SLC66A3: variants seen among roughly 807,000 people sequenced by gnomAD.
SLC66A3 encodes the protein PQ loop repeat containing 3.
In SLC66A3, 23 loss-of-function variants were observed where a neutral mutation model predicts 25.5. That is an observed-to-expected ratio of 0.90 (90% confidence interval 0.65 to 1.28). The LOEUF (loss-of-function observed/expected upper bound fraction) is 1.28, where lower values mean the gene tolerates loss of function less well. Among genes scored for constraint, SLC66A3 ranks in the 50% most tolerant of loss-of-function variants. SLC66A3 has a pLI of 0.00. For missense variants in SLC66A3, 246 were observed against 262.1 expected (o/e 0.94, Z 0.42); for synonymous variants, 108 against 112.6 (o/e 0.96, Z 0.26).
chr2:11,177,859 T>C lies in SLC66A3; in HGVS notation c.*31T>C, dbSNP rs181241828. On this transcript the variant is annotated 3_prime_UTR_variant, in exon 7 of 7. Coordinates refer to ENST00000295083, the MANE Select transcript of SLC66A3 (RefSeq NM_152391.5). ...ACATTATTCCTTCACACAGTGGATT[T>C]TGAGTAACTGAACCAAAGGAAAAAG... The C allele has an allele frequency of 6.9e-5, 89 of 1,293,600 alleles. No homozygotes were observed. In the African/African-American group the frequency reaches 1.0e-3, roughly 15 times the overall value. 80.1% of individuals were successfully genotyped at this position (1,293,600 alleles called of 1,614,324 possible). A position where few individuals can be genotyped will look rare whatever the true frequency, so the allele number is the denominator to read the frequency against.
At chr2:11,175,576 C>T (rs1333625982) in intron 6 of SLC66A3, among the ~76,000 whole-genome samples, 3 of 152,072 alleles carry the variant, frequency 2.0e-5, no homozygotes, top group African/African-American at 4.8e-5. Context: ...TGGCAGTGGC[C>T]CAAGTATCCA....
Position 11,160,616 on chromosome 2 carries a change from CTCTT to C in SLC66A3, c.227-6_227-3del, listed in dbSNP as rs1311122468. The C allele has an allele frequency of 1.9e-6, 3 of 1,614,178 alleles. No individual in the cohort carries two copies. Among genetic ancestry groups the C allele is most frequent in the Admixed American group, 1.7e-5 (1 of 60,022 alleles). On this transcript the variant is annotated splice_polypyrimidine_tract_variant and splice_region_variant and intron_variant, in intron 2 of 6. Coordinates refer to ENST00000295083, the MANE Select transcript of SLC66A3 (RefSeq NM_152391.5). ...CCTTCCCCCCTCACTCGGAGCCTCT[CTCTT>C]TCAGATGTCATCCTCCTGCTCTGTA...
chr2:11,170,703 CT>C (rs766241864), intron 4 of SLC66A3, among the ~76,000 whole-genome samples: 40 of 151,852 alleles, frequency 2.6e-4, no homozygotes, highest in Non-Finnish European at 4.7e-4. Flanking sequence ...ATTCTCCTGC[CT>C]CAGCCTTCCT....
intron 4 of SLC66A3, among the ~76,000 whole-genome samples, chr2:11,165,228 C>G (rs1375754331): frequency 1.1e-4 from 16 of 148,014 alleles, no homozygotes; most frequent in Middle Eastern, 7.2e-3. Context: ...CCCAGACGGG[C>G]TGGCTGCCGG....
Position 11,177,829 on chromosome 2 carries a change from T to G in SLC66A3, c.*1T>G. On this transcript the variant is annotated 3_prime_UTR_variant, in exon 7 of 7. Coordinates refer to ENST00000295083, the MANE Select transcript of SLC66A3 (RefSeq NM_152391.5). Reference sequence around the variant, plus strand: ...GAAGACCGCTATAAAGGCTGAATGATGGATACATTATTCCTTCACACAGTG... The same window carrying G: ...GAAGACCGCTATAAAGGCTGAATGAGGGATACATTATTCCTTCACACAGTG... 6.4e-7 allele frequency: 1 copy of G among 1,561,768 alleles called. No homozygotes were observed. The highest frequency in any genetic ancestry group is 8.8e-7 in the Non-Finnish European group (1 of 1,133,314).
rs1161882465 is a variant in SLC66A3, at chr2:11,164,327, T to TTATATATA, written c.354+78_354+85dup. The stretch of plus-strand genomic sequence containing the variant: ...ACCTTGGAGAGAACTTGATAGATAT[T>TTATATATA]TATATATATATATATATATTTTTTT... On this transcript the variant is annotated intron_variant, in intron 4 of 6. Transcript: ENST00000295083. The TTATATATA allele has an allele frequency of 1.1e-3, 195 of 175,998 alleles. 13 individuals carry two copies. Among genetic ancestry groups the TTATATATA allele is most frequent in the African/African-American group, 1.6e-3 (46 of 28,370 alleles). 10.9% of individuals were successfully genotyped at this position (175,998 alleles called of 1,614,324 possible). A position where few individuals can be genotyped will look rare whatever the true frequency, so the allele number is the denominator to read the frequency against.
At chr2:11,170,378 T>C (rs1042048825) in intron 4 of SLC66A3, among the ~76,000 whole-genome samples, 1 of 151,968 alleles carries the variant, frequency 6.6e-6, no homozygotes, top group African/African-American at 2.4e-5. Flanking sequence ...GCAGGGCTGG[T>C]GGTGGTCAGC....
At chr2:11,172,129 A>G in intron 5 of SLC66A3, 84 bp downstream of exon 5, 1 of 1,371,944 alleles carries the variant, frequency 7.3e-7, no homozygotes, top group Non-Finnish European at 1.0e-6. Flanking sequence ...TGTTGAAGTA[A>G]CATGGTCCCT....
At chr2:11,161,724 T>C (rs904592898) in intron 3 of SLC66A3, among the ~76,000 whole-genome samples, 1 of 152,210 alleles carries the variant, frequency 6.6e-6, no homozygotes, top group African/African-American at 2.4e-5. Context: ...TCCTGGTATG[T>C]TACCCAGACT....
At chr2:11,174,411 G>GC (rs1662659807) in intron 5 of SLC66A3, among the ~76,000 whole-genome samples, 1 of 152,178 alleles carries the variant, frequency 6.6e-6, no homozygotes, top group Non-Finnish European at 1.5e-5. Flanking sequence ...CGCAGGCAGC[G>GC]CTCGAGTACC....
At chr2:11,177,378 T>C (rs897533482) in intron 6 of SLC66A3, among the ~76,000 whole-genome samples, 1 of 151,422 alleles carries the variant, frequency 6.6e-6, no homozygotes, top group Non-Finnish European at 1.5e-5. Context: ...GAGAATCACT[T>C]GAACCCAGAA....
chr2:11,177,770 A>G lies in SLC66A3; in HGVS notation c.551A>G (p.Asn184Ser). 6.2e-7 allele frequency: 1 copy of G among 1,611,700 alleles called. No individual in the cohort carries two copies. Among genetic ancestry groups the G allele is most frequent in the Non-Finnish European group, 8.5e-7 (1 of 1,178,786 alleles). The change falls in exon 7 of 7, where the codon AAT (asparagine) becomes AGT (serine). Residue 184 changes from asparagine (N) to serine (S), a missense_variant. This residue lies in a region of SLC66A3 where 93 missense variants were observed against 102.6 expected (regional missense o/e 0.91). Coordinates refer to ENST00000295083, the MANE Select transcript of SLC66A3 (RefSeq NM_152391.5). The part of the protein sequence containing the change: ...LLRFVIMLAL[N>S]IWVTVTVLRY... The stretch of plus-strand genomic sequence containing the variant: ...CGTTTTGTGATCATGCTGGCTTTAA[A>G]TATATGGGTAACAGTGACAGTACTT...
At chr2:11,170,209 C>T (rs1013023508) in intron 4 of SLC66A3, among the ~76,000 whole-genome samples, 1 of 152,150 alleles carries the variant, frequency 6.6e-6, no homozygotes, top group East Asian at 1.9e-4. Flanking sequence ...GAAATATATC[C>T]GGAACCTGAA....
At chr2:11,175,257 C>T (rs1191729133) in intron 6 of SLC66A3, among the ~76,000 whole-genome samples, 1 of 152,198 alleles carries the variant, frequency 6.6e-6, no homozygotes, top group East Asian at 1.9e-4. Context: ...TCCACTTAAG[C>T]AGTGGAATTG....
intron 6 of SLC66A3, among the ~76,000 whole-genome samples, chr2:11,176,252 G>C (rs940822443): frequency 2.0e-5 from 3 of 152,234 alleles, no homozygotes; most frequent in Admixed American, 2.0e-4. Flanking sequence ...TTCTCACTCT[G>C]TCGCCCAGGC....
chr2:11,160,851 A>G (rs1252114029), intron 3 of SLC66A3, 157 bp downstream of exon 3: 2 of 1,232,094 alleles, frequency 1.6e-6, no homozygotes, highest in African/African-American at 3.0e-5. Flanking sequence ...CATGTACACC[A>G]GAGATGCCCT....
chr2:11,160,667 T>G lies in SLC66A3; in HGVS notation c.269T>G (p.Val90Gly). 6.2e-7 allele frequency: 1 copy of G among 1,614,122 alleles called. No homozygotes were observed. The highest frequency in any genetic ancestry group is 1.1e-5 in the South Asian group (1 of 91,086). ...LLCIFHFNGN[V>G]KQATPYIAVL... The stretch of plus-strand genomic sequence containing the variant: ...TGTATCTTTCATTTTAACGGGAACG[T>G]GAAGCAGGCCACTCCTTACATCGCT... Residue 90 changes from valine (V) to glycine (G), a missense_variant, in exon 3 of 7, where the codon GTG becomes GGG. Coordinates refer to ENST00000295083, the MANE Select transcript of SLC66A3 (RefSeq NM_152391.5).
intron 1 of SLC66A3, among the ~76,000 whole-genome samples, chr2:11,157,170 C>T (rs902838608): frequency 2.0e-5 from 3 of 152,234 alleles, no homozygotes; most frequent in African/African-American, 4.8e-5. Context: ...CAGGTGAGGG[C>T]TCCTATTAGA....
chr2:11,155,696 CCCGGGGCGG>C lies in SLC66A3; in HGVS notation c.143+15_143+23del, dbSNP rs772586962. On this transcript the variant is annotated splice_region_variant and intron_variant, in intron 1 of 6. Coordinates refer to ENST00000295083, the MANE Select transcript of SLC66A3 (RefSeq NM_152391.5). The stretch of plus-strand genomic sequence containing the variant: ...TACTTCTGGAGCTGGCAGGGTAAGG[CCCGGGGCGG>C]CCGGGGCTGCCTCCTGCCCCCTCGC... The C allele has an allele frequency of 1.4e-6, 2 of 1,404,068 alleles. No homozygotes were observed. The highest frequency in any genetic ancestry group is 1.5e-5 in the African/African-American group (1 of 67,272). The allele number at this position is 1,404,068 out of a possible 1,614,324, so 87.0% of individuals were successfully genotyped here. A position where few individuals can be genotyped will look rare whatever the true frequency, so the allele number is the denominator to read the frequency against.
Sources: gnomAD v4.1 joint callset for allele counts (sites outside exome capture counted in the v4.1 genomes callset) on GRCh38, gnomAD v4.1.1 for gene constraint, gnomAD v4.1.1 regional missense constraint, MANE v1.5 for transcripts, NCBI Gene and HGNC (gene_info 2026-07-23, HGNC 2026-07-21) for gene names.